UNC13C: variants seen among roughly 807,000 people sequenced by gnomAD.
UNC13C encodes unc-13 homolog C.
UNC13C carries 174 observed loss-of-function variants against 245.4 expected under a neutral mutation model. The observed-to-expected ratio is 0.71, with a 90% CI of 0.63 to 0.80. The LOEUF is 0.80. Ranked by LOEUF, UNC13C falls within the 30% of genes least tolerant of loss-of-function variation. UNC13C has a pLI of 0.00. For missense variants in UNC13C, 2,829 were observed against 2,602.9 expected, an observed-to-expected ratio of 1.09 and a Z score of -1.89; for synonymous variants, 992 against 895.1, an observed-to-expected ratio of 1.11 and a Z score of -1.93.
intron 18 of UNC13C, among the ~76,000 whole-genome samples, chr15:54,406,644 G>A (rs1218122073): frequency 6.6e-6 from 1 of 152,154 alleles, no homozygotes; most frequent in Non-Finnish European, 1.5e-5. Flanking sequence ...CATTGTGCCA[G>A]TTCAGTTAAA....
chr15:54,231,264 C>T (rs962221354), intron 4 of UNC13C, among the ~76,000 whole-genome samples: 4 of 152,032 alleles, frequency 2.6e-5, no homozygotes, highest in Admixed American at 1.3e-4. Context: ...TTATTAAGAA[C>T]ATTAAGTCTG....
At chr15:54,390,883 G>A (rs539367412) in intron 17 of UNC13C, among the ~76,000 whole-genome samples, 88 of 151,022 alleles carry the variant, frequency 5.8e-4, no homozygotes, top group African/African-American at 2.1e-3. Flanking sequence ...CGCTATTAAA[G>A]TAGGGAAAGC....
chr15:54,420,193 G>A lies in UNC13C; in HGVS notation c.4933+5126G>A, dbSNP rs200997686. 6.4e-4 allele frequency among the ~76,000 whole-genome samples: 98 copies of A among 152,132 alleles called. 1 individual carries two copies. In the East Asian group the frequency reaches 0.013, roughly 21 times the overall value. On this transcript the variant is annotated intron_variant, in intron 19 of 32. Transcript: ENST00000260323. ...TAATGAATTATCCCAAAATTTAGTG[G>A]CTGGCAACATACGTAAGTAGCTCCT...
At chr15:54,435,070 T>C (rs1489696991) in intron 19 of UNC13C, among the ~76,000 whole-genome samples, 1 of 151,914 alleles carries the variant, frequency 6.6e-6, no homozygotes, top group Non-Finnish European at 1.5e-5. Context: ...CATTAAAAAA[T>C]CAGGAAACAA....
chr15:54,559,742 G>C (rs910102745), intron 29 of UNC13C, among the ~76,000 whole-genome samples: 7 of 151,932 alleles, frequency 4.6e-5, no homozygotes, highest in African/African-American at 1.7e-4. Context: ...AACAATGGGA[G>C]AAAGACATTG....
At chr15:53,951,680 G>A in the UNC13C span, among the ~76,000 whole-genome samples, 25 of 152,194 alleles carry the variant, frequency 1.6e-4, 1 homozygote, top group South Asian at 1.2e-3. Context: ...TGTTTGGCCC[G>A]CAAATCCATG....
the UNC13C span, among the ~76,000 whole-genome samples, chr15:53,930,337 G>T: frequency 1.3e-3 from 202 of 152,136 alleles, no homozygotes; most frequent in Non-Finnish European, 1.8e-3. Context: ...GCATTCTATT[G>T]GTCAAAGCAA....
intron 7 of UNC13C, among the ~76,000 whole-genome samples, chr15:54,248,147 A>C (rs12917023): frequency 0.13 from 19,302 of 152,198 alleles, 1,416 homozygotes; most frequent in Non-Finnish European, 0.16. Flanking sequence ...TCTTCCTTTC[A>C]TTAGCAGATT....
At chr15:54,591,325 C>A (rs1435308268) in intron 30 of UNC13C, among the ~76,000 whole-genome samples, 1 of 152,050 alleles carries the variant, frequency 6.6e-6, no homozygotes, top group Non-Finnish European at 1.5e-5. Context: ...AGGAGGGTGC[C>A]TTCTTTCTCT....
chr15:54,367,031 A>T (rs939700277), intron 17 of UNC13C, among the ~76,000 whole-genome samples: 1 of 152,304 alleles, frequency 6.6e-6, no homozygotes, highest in Admixed American at 6.5e-5. Flanking sequence ...CTTATGATGC[A>T]TGTAATTTAA....
intron 19 of UNC13C, among the ~76,000 whole-genome samples, chr15:54,447,076 T>G (rs2141000146): frequency 1.3e-5 from 2 of 152,326 alleles, no homozygotes; most frequent in Non-Finnish European, 2.9e-5. Flanking sequence ...TTGTTCTGTT[T>G]ATGTGCTGGA....
intron 4 of UNC13C, 143 bp downstream of exon 4, chr15:54,143,827 AG>A (rs2032135970): frequency 1.8e-6 from 1 of 566,640 alleles, no homozygotes; most frequent in African/African-American, 1.9e-5. Context: ...TTGACATTAT[AG>A]TGTTTTCTTA....
intron 1 of UNC13C, among the ~76,000 whole-genome samples, chr15:54,005,534 G>A (rs151275055): frequency 6.0e-4 from 91 of 152,240 alleles, no homozygotes; most frequent in African/African-American, 2.0e-3. Context: ...AAGCACTCAA[G>A]ACAATGCCTG....
intron 13 of UNC13C, among the ~76,000 whole-genome samples, chr15:54,316,296 C>G (rs1205147587): frequency 1.3e-5 from 2 of 151,874 alleles, no homozygotes; most frequent in Non-Finnish European, 2.9e-5. Flanking sequence ...CCTAATATTG[C>G]TGGAGTTCAC....
chr15:54,462,315 G>A (rs909242543), intron 19 of UNC13C, among the ~76,000 whole-genome samples: 3 of 152,202 alleles, frequency 2.0e-5, no homozygotes, highest in Non-Finnish European at 2.9e-5. Context: ...GCCCTCATTC[G>A]CTCTCAGTGC....
chr15:53,956,853 G>A, the UNC13C span, among the ~76,000 whole-genome samples: 37 of 137,640 alleles, frequency 2.7e-4, no homozygotes, highest in Non-Finnish European at 5.1e-4. Context: ...GGTTGTCCAC[G>A]GGACTGGTAA....
At chr15:54,033,744 C>A (rs1896461155) in intron 2 of UNC13C, among the ~76,000 whole-genome samples, 1 of 152,138 alleles carries the variant, frequency 6.6e-6, no homozygotes, top group South Asian at 2.1e-4. Flanking sequence ...TAGGACAGCA[C>A]ATGATATGGT....
intron 2 of UNC13C, among the ~76,000 whole-genome samples, chr15:54,126,772 A>C (rs1267408059): frequency 2.0e-5 from 3 of 152,230 alleles, no homozygotes; most frequent in Admixed American, 2.0e-4. Flanking sequence ...GTGAACAGGC[A>C]ATCTGCAAAA....
the UNC13C span, among the ~76,000 whole-genome samples, chr15:53,880,362 T>C: frequency 2.6e-5 from 4 of 152,228 alleles, no homozygotes; most frequent in Non-Finnish European, 5.9e-5. Flanking sequence ...ACCGATTACT[T>C]CAATTTCAAA....
Sources: allele counts gnomAD v4.1 joint callset (sites outside exome capture counted in the v4.1 genomes callset), GRCh38; gene constraint gnomAD v4.1.1; transcripts MANE v1.5; gene names NCBI Gene and HGNC (gene_info 2026-07-23, HGNC 2026-07-21).